UNC13C: variants seen among roughly 807,000 people sequenced by gnomAD.
The protein encoded by UNC13C is protein unc-13 homolog C.
In UNC13C, 174 loss-of-function variants were observed where a neutral mutation model predicts 245.4. The ratio of observed to expected loss-of-function variants is 0.71; its 90% confidence interval spans 0.63 to 0.80. The LOEUF (loss-of-function observed/expected upper bound fraction) is 0.80. Ranked by LOEUF, UNC13C falls within the 30% of genes least tolerant of loss-of-function variation. The pLI, the probability that UNC13C is intolerant of heterozygous loss-of-function variation, is 0.00. For missense variants in UNC13C, 2,829 were observed against 2,602.9 expected, an observed-to-expected ratio of 1.09 and a Z score of -1.89; for synonymous variants, 992 against 895.1, an observed-to-expected ratio of 1.11 and a Z score of -1.93.
the UNC13C span, among the ~76,000 whole-genome samples, chr15:53,871,600 C>G: frequency 1.3e-5 from 2 of 152,124 alleles, no homozygotes; most frequent in African/African-American, 2.4e-5. Flanking sequence ...CAGAGTAGGT[C>G]TTTAGTAAAT....
intron 10 of UNC13C, among the ~76,000 whole-genome samples, chr15:54,278,094 C>T (rs1474142042): frequency 6.6e-6 from 1 of 152,124 alleles, no homozygotes; most frequent in African/African-American, 2.4e-5. Context: ...ACCTAACTTT[C>T]CTTACCATCT....
chr15:54,488,530 G>A (rs1248356080), intron 19 of UNC13C, among the ~76,000 whole-genome samples: 1 of 152,060 alleles, frequency 6.6e-6, no homozygotes, highest in Non-Finnish European at 1.5e-5. Flanking sequence ...TTTTCCTTTG[G>A]CATGAGAATA....
intron 25 of UNC13C, among the ~76,000 whole-genome samples, chr15:54,526,968 T>G (rs1010466120): frequency 6.6e-6 from 1 of 152,132 alleles, no homozygotes; most frequent in African/African-American, 2.4e-5. Flanking sequence ...CACTTAGCCT[T>G]CTCTTCATTA....
intron 19 of UNC13C, among the ~76,000 whole-genome samples, chr15:54,439,918 C>T (rs2140988346): frequency 6.6e-6 from 1 of 152,036 alleles, no homozygotes. Flanking sequence ...CATTAACCAA[C>T]TTCTCTTCAT....
At chr15:54,320,531 A>G (rs1270450408) in intron 13 of UNC13C, among the ~76,000 whole-genome samples, 2 of 152,044 alleles carry the variant, frequency 1.3e-5, no homozygotes, top group African/African-American at 2.4e-5. Flanking sequence ...AACGTGTTAT[A>G]CAATTGGTCA....
the UNC13C span, among the ~76,000 whole-genome samples, chr15:53,868,634 C>T: frequency 1.3e-5 from 2 of 152,158 alleles, no homozygotes; most frequent in Admixed American, 6.5e-5. Flanking sequence ...GTTTAAGTCA[C>T]AGGCAGTTAG....
intron 18 of UNC13C, among the ~76,000 whole-genome samples, chr15:54,410,326 C>T (rs1303077400): frequency 2.0e-5 from 3 of 152,046 alleles, no homozygotes; most frequent in African/African-American, 7.2e-5. Flanking sequence ...AAGTTTGTCC[C>T]TTTACTCTGT....
intron 30 of UNC13C, among the ~76,000 whole-genome samples, chr15:54,585,397 C>G (rs1898435325): frequency 2.0e-5 from 3 of 152,172 alleles, no homozygotes; most frequent in Admixed American, 2.0e-4. Context: ...TGATTGTAAT[C>G]TACCTTAGGC....
chr15:53,902,690 C>T, the UNC13C span, among the ~76,000 whole-genome samples: 5 of 151,942 alleles, frequency 3.3e-5, no homozygotes, highest in African/African-American at 1.2e-4. Context: ...ATTGTCAGTA[C>T]CAACAGAAGC....
intron 2 of UNC13C, among the ~76,000 whole-genome samples, chr15:54,136,448 G>C (rs2031737996): frequency 1.3e-5 from 2 of 152,074 alleles, no homozygotes; most frequent in South Asian, 4.1e-4. Flanking sequence ...TTTTTTGGTG[G>C]AGTCTAGGGT....
chr15:54,379,058 A>C (rs1265789024), intron 17 of UNC13C, among the ~76,000 whole-genome samples: 1 of 152,058 alleles, frequency 6.6e-6, no homozygotes, highest in Non-Finnish European at 1.5e-5. Context: ...TTTGTTTCTA[A>C]CCAAATTAAT....
chr15:53,995,133 G>C (rs994964752), intron 1 of UNC13C, among the ~76,000 whole-genome samples: 1 of 152,058 alleles, frequency 6.6e-6, no homozygotes, highest in African/African-American at 2.4e-5. Flanking sequence ...TTAAATTTGA[G>C]ATGTTAATGG....
intron 27 of UNC13C, among the ~76,000 whole-genome samples, chr15:54,547,654 G>T (rs1259246321): frequency 6.6e-6 from 1 of 152,146 alleles, no homozygotes; most frequent in Non-Finnish European, 1.5e-5. Context: ...AGTGTTCCGA[G>T]ATGCAAATAT....
intron 26 of UNC13C, among the ~76,000 whole-genome samples, chr15:54,541,038 A>C (rs1440376554): frequency 1.3e-5 from 2 of 152,044 alleles, no homozygotes; most frequent in African/African-American, 4.8e-5. Context: ...CAGCAAGCTA[A>C]AAATGGTACC....
intron 19 of UNC13C, among the ~76,000 whole-genome samples, chr15:54,475,252 G>T (rs2141050233): frequency 6.6e-6 from 1 of 150,458 alleles, no homozygotes; most frequent in East Asian, 2.0e-4. Flanking sequence ...GTTTATTTTT[G>T]TGTATAGTGA....
intron 10 of UNC13C, among the ~76,000 whole-genome samples, chr15:54,283,142 T>A (rs2140919745): frequency 1.3e-5 from 2 of 152,316 alleles, no homozygotes; most frequent in South Asian, 4.1e-4. Flanking sequence ...AACTTGCAAC[T>A]AGGCTTTCAG....
At chr15:54,252,838 C>G (rs2036187216) in intron 8 of UNC13C, among the ~76,000 whole-genome samples, 1 of 152,106 alleles carries the variant, frequency 6.6e-6, no homozygotes, top group Non-Finnish European at 1.5e-5. Flanking sequence ...CGTAACATTT[C>G]CAGGGAAAAT....
chr15:54,574,689 G>C lies in UNC13C; in HGVS notation c.6106+6742G>C, dbSNP rs527551032. 2.6e-5 allele frequency among the ~76,000 whole-genome samples: 4 copies of C among 152,208 alleles called. No homozygotes were observed. The South Asian group carries it at 6.2e-4, about 24-fold the overall frequency. ...CAACAGTTCCATAAAAATATTAATA[G>C]TTAATGCCTATGTGAATTAAAATAC... On this transcript the variant is annotated intron_variant, in intron 30 of 32. Coordinates refer to ENST00000260323, the MANE Select transcript of UNC13C (RefSeq NM_001080534.3).
the UNC13C span, among the ~76,000 whole-genome samples, chr15:53,878,474 T>A: frequency 1.9e-4 from 29 of 152,322 alleles, no homozygotes; most frequent in Non-Finnish European, 3.5e-4. Flanking sequence ...TGTGATGCGA[T>A]GTTCTGTCAG....
Sources: allele counts gnomAD v4.1 joint callset (sites outside exome capture counted in the v4.1 genomes callset), GRCh38; gene constraint gnomAD v4.1.1; transcripts MANE v1.5; gene names NCBI Gene and HGNC (gene_info 2026-07-23, HGNC 2026-07-21).